DPYSL5: variants seen among roughly 807,000 people sequenced by gnomAD.
The protein encoded by DPYSL5 is dihydropyrimidinase-related protein 5.
In DPYSL5, 9 loss-of-function variants were observed where a neutral mutation model predicts 58.4. That is an observed-to-expected ratio of 0.15 (90% CI 0.09 to 0.27). The LOEUF is 0.27. DPYSL5 is among the 10% of genes least tolerant of loss of function. The pLI is 1.00. For synonymous variants in DPYSL5, 293 were observed against 301.9 expected (o/e 0.97, Z 0.31); for missense variants, 499 against 770.6 (o/e 0.65, Z 4.17).
intron 1 of DPYSL5, among the ~76,000 whole-genome samples, chr2:26,884,866 C>T (rs1156753293): frequency 1.3e-5 from 2 of 152,142 alleles, no homozygotes; most frequent in African/African-American, 4.8e-5. Context: ...TTGCTTGGGG[C>T]CCAAGCTTGA....
At chr2:26,859,034 G>A (rs1665948429) in intron 1 of DPYSL5, among the ~76,000 whole-genome samples, 1 of 151,996 alleles carries the variant, frequency 6.6e-6, no homozygotes, top group African/African-American at 2.4e-5. Context: ...TTGTTACCAT[G>A]GCATGGAAAT....
At position 26,931,632 on chromosome 2, in the gene DPYSL5, T is replaced by C. The variant is rs766460213; in HGVS notation, c.670-8T>C. ...GTTTGGTTTCCTCCTGTCCTTTGTT[T>C]CTAACAGCTGGAAGCTGAAGCCACT... On this transcript the variant is annotated splice_region_variant and splice_polypyrimidine_tract_variant and intron_variant, in intron 5 of 12. Transcript: ENST00000288699. The C allele has an allele frequency of 1.2e-6, 2 of 1,613,918 alleles. No individual in the cohort carries two copies. Among genetic ancestry groups the C allele is most frequent in the East Asian group, 2.2e-5 (1 of 44,872 alleles).
rs536141214 is a variant in DPYSL5, at chr2:26,927,781, C to G, written c.600+349C>G. On this transcript the variant is annotated intron_variant, in intron 4 of 12. Coordinates refer to ENST00000288699, the MANE Select transcript of DPYSL5 (RefSeq NM_020134.4). This position sits in a 1 kb window ranked among gnomAD's most constrained non-coding sequence, Gnocchi z 4.3. ...GATATACAGAATAAATAAGAATCCG[C>G]TTCCCATTTGGCCTCTTCAGAGGAT... Among the ~76,000 whole-genome samples the G allele has an allele frequency of 6.6e-6, 1 of 152,306 alleles. No homozygotes were observed. Among genetic ancestry groups the G allele is most frequent in the Non-Finnish European group, 1.5e-5 (1 of 68,020 alleles).
rs1665191726 is a variant in DPYSL5 at position 26,936,860 on chromosome 2, C to T, written c.947+2126C>T. ...ACTCCAGAGGCTGAGGCAGGAGAATCGCTTGAACCCAGGAGGCGGAGGTTG... is the reference window on the plus strand; with the variant it reads ...ACTCCAGAGGCTGAGGCAGGAGAATTGCTTGAACCCAGGAGGCGGAGGTTG... On this transcript the variant is annotated intron_variant, in intron 8 of 12. Transcript: ENST00000288699. Among the ~76,000 whole-genome samples the T allele has an allele frequency of 2.7e-5, 4 of 146,140 alleles. No homozygotes were observed. In the South Asian group the frequency reaches 8.8e-4, roughly 32 times the overall value.
At chr2:26,928,895 A>G (rs1293781325) in intron 5 of DPYSL5, among the ~76,000 whole-genome samples, 1 of 151,578 alleles carries the variant, frequency 6.6e-6, no homozygotes, top group African/African-American at 2.4e-5. Context: ...GAGACAAAAG[A>G]CAGACTGAAA....
intron 2 of DPYSL5, among the ~76,000 whole-genome samples, chr2:26,919,696 G>A (rs1336552637): frequency 1.3e-5 from 2 of 152,168 alleles, no homozygotes; most frequent in African/African-American, 2.4e-5. Context: ...GGCTCAAGGA[G>A]GCTGTTGTGA....
chr2:26,879,563 C>A (rs1663503908), intron 1 of DPYSL5, among the ~76,000 whole-genome samples: 2 of 151,990 alleles, frequency 1.3e-5, no homozygotes, highest in Non-Finnish European at 2.9e-5. Flanking sequence ...TAGTTATCAC[C>A]TCCACGTCAT....
rs35489206 is a variant in DPYSL5, at chr2:26,884,520, T to TCTCACACACACA, written c.-4-13975_-4-13974insTCACACACACAC. The stretch of plus-strand genomic sequence containing the variant: ...AACGCACAGCTAAGCTTGTCCTATC[T>TCTCACACACACA]CACACACACACACACACACACACAC... On this transcript the variant is annotated intron_variant, in intron 1 of 12. Transcript: ENST00000288699. Among the ~76,000 whole-genome samples the TCTCACACACACA allele has an allele frequency of 2.6e-3, 380 of 145,630 alleles. 3 individuals are homozygous for TCTCACACACACA. Among genetic ancestry groups the TCTCACACACACA allele is most frequent in the Admixed American group, 0.011 (162 of 14,502 alleles).
intron 2 of DPYSL5, among the ~76,000 whole-genome samples, chr2:26,917,232 G>A (rs989504880): frequency 3.3e-5 from 5 of 152,210 alleles, no homozygotes; most frequent in African/African-American, 9.6e-5. Context: ...AGCAAAGTAA[G>A]GTCAGGAAGT....
In DPYSL5 at chr2:26,849,126, T is replaced by G; in HGVS notation, c.-5+872T>G. On this transcript the variant is annotated intron_variant, in intron 1 of 12. Transcript: ENST00000288699. The surrounding 1 kb of genome is among the most constrained non-coding windows in gnomAD (Gnocchi z 6.2). ...GGGAGCAGGGAGTGGGAACTAGGGT[T>G]TGAGGAGGAAAGAGAAGGGGCGGGG... is the stretch of plus-strand genomic sequence containing the variant. Among the ~76,000 whole-genome samples, 1 of 120,022 alleles carries G rather than the reference T, an allele frequency of 8.3e-6. No homozygotes were observed. Among genetic ancestry groups the G allele is most frequent in the Non-Finnish European group, 1.7e-5 (1 of 57,600 alleles). 78.7% of individuals were successfully genotyped at this position (120,022 alleles called of 152,430 possible).
At chr2:26,861,514 C>G (rs570653370) in intron 1 of DPYSL5, among the ~76,000 whole-genome samples, 3 of 152,298 alleles carry the variant, frequency 2.0e-5, no homozygotes, top group Admixed American at 2.0e-4. Flanking sequence ...TTAGTCATTT[C>G]ACAGAGGAGG....
At chr2:26,914,580 C>A (rs1046102658) in intron 2 of DPYSL5, among the ~76,000 whole-genome samples, 5 of 152,178 alleles carry the variant, frequency 3.3e-5, no homozygotes, top group Admixed American at 2.6e-4. Flanking sequence ...ACCAATCAGG[C>A]CTGTTCTTTA....
intron 1 of DPYSL5, among the ~76,000 whole-genome samples, chr2:26,863,141 C>G (rs1173809947): frequency 6.6e-6 from 1 of 152,186 alleles, no homozygotes; most frequent in Non-Finnish European, 1.5e-5. Context: ...TCCCACATGT[C>G]ACCAGAATGT....
intron 2 of DPYSL5, among the ~76,000 whole-genome samples, chr2:26,911,022 C>T (rs1174696897): frequency 6.7e-6 from 1 of 148,772 alleles, no homozygotes; most frequent in Non-Finnish European, 1.5e-5. Flanking sequence ...TTTTACAGTT[C>T]AGTCTATGAT....
chr2:26,882,429 CTGTG>C (rs145178218), intron 1 of DPYSL5, among the ~76,000 whole-genome samples: 2,364 of 146,280 alleles, frequency 0.016, 58 homozygotes, highest in African/African-American at 0.055. Flanking sequence ...GTGTGTGTGT[CTGTG>C]TGTGTGTGTG....
At chr2:26,861,243 G>T (rs1025188329) in intron 1 of DPYSL5, among the ~76,000 whole-genome samples, 2 of 152,160 alleles carry the variant, frequency 1.3e-5, no homozygotes, top group Non-Finnish European at 2.9e-5. Flanking sequence ...ACCCATTATT[G>T]CTGACTATCA....
chr2:26,942,459 C>A lies in DPYSL5; in HGVS notation c.1233-84C>A. 1 of 1,462,780 alleles carries A rather than the reference C, an allele frequency of 6.8e-7. No homozygotes were observed. Among genetic ancestry groups the A allele is most frequent in the South Asian group, 1.2e-5 (1 of 80,116 alleles). The allele number at this position is 1,462,780 out of a possible 1,614,324, so 90.6% of individuals were successfully genotyped here. A position where few individuals can be genotyped will look rare whatever the true frequency, so the allele number is the denominator to read the frequency against. ...AGCCAATTCAACCCATAACAACCAG[C>A]CTTTGGGGCTCACCCCTCCCATGGA... On this transcript the variant is annotated intron_variant, in intron 10 of 12. Coordinates refer to ENST00000288699, the MANE Select transcript of DPYSL5 (RefSeq NM_020134.4). The surrounding 1 kb of genome is among the most constrained non-coding windows in gnomAD (Gnocchi z 5.9).
intron 11 of DPYSL5, among the ~76,000 whole-genome samples, chr2:26,943,288 A>G (rs1235249377): frequency 1.3e-5 from 2 of 152,194 alleles, no homozygotes; most frequent in Non-Finnish European, 2.9e-5. Context: ...CCAGAGGCCA[A>G]TGAGTGAAGA....
chr2:26,872,622 G>A (rs1202817744), intron 1 of DPYSL5, among the ~76,000 whole-genome samples: 1 of 152,160 alleles, frequency 6.6e-6, no homozygotes, highest in African/African-American at 2.4e-5. Context: ...CCCAGGAGGC[G>A]GAGGTTGCAG....
Sources: allele counts gnomAD v4.1 joint callset (sites outside exome capture counted in the v4.1 genomes callset), GRCh38; gene constraint gnomAD v4.1.1; non-coding constraint Gnocchi (gnomAD v3.1); transcripts MANE v1.5; gene names NCBI Gene and HGNC (gene_info 2026-07-23, HGNC 2026-07-21).